The following DST variants were observed in gnomAD, a reference collection of about 807,000 sequenced individuals.
DST encodes dystonin.
A neutral mutation model predicts 875.2 loss-of-function variants in DST; 253 were observed. The ratio of observed to expected loss-of-function variants is 0.29; its 90% CI spans 0.26 to 0.32. The LOEUF is 0.32. DST is among the 10% of genes least tolerant of loss of function. DST has a pLI of 1.00. For synonymous variants in DST, 3,124 were observed against 3,197.1 expected, an observed-to-expected ratio of 0.98 and a Z score of 0.77; for missense variants, 8,287 against 9,111.6, an observed-to-expected ratio of 0.91 and a Z score of 3.68.
intron 16 of DST, 65 bp downstream of exon 16, chr6:56,642,345 T>G: frequency 8.5e-7 from 1 of 1,173,344 alleles, no homozygotes; most frequent in Non-Finnish European, 1.3e-6. Context: ...TGTAAAAGTT[T>G]TAGTTCATCC....
At chr6:56,624,097 T>C (rs1237232923) in intron 36 of DST, among the ~76,000 whole-genome samples, 1 of 152,104 alleles carries the variant, frequency 6.6e-6, no homozygotes, top group African/African-American at 2.4e-5. Flanking sequence ...TTTAACTTCT[T>C]GAGATACAAA....
At position 56,905,889 on chromosome 6, in the gene DST, T is replaced by A. The variant is rs1796189924; in HGVS notation, c.217-5268A>T. The stretch of plus-strand genomic sequence containing the variant: ...GTCTTGAACTCCTGACCTCAGGTGA[T>A]CCACCCATCTCGGCCTTCCAAAGTG... On this transcript the variant is annotated intron_variant, in intron 2 of 103. Coordinates refer to ENST00000680361, the MANE Select transcript of DST (RefSeq NM_001374736.1). Among the ~76,000 whole-genome samples, 12 of 152,204 alleles carry A rather than the reference T, an allele frequency of 7.9e-5. 1 individual carries two copies. The South Asian group carries it at 2.5e-3, about 31-fold the overall frequency.
At chr6:56,765,545 G>A (rs766236318) in intron 4 of DST, among the ~76,000 whole-genome samples, 8 of 152,168 alleles carry the variant, frequency 5.3e-5, no homozygotes, top group Non-Finnish European at 8.8e-5. Flanking sequence ...TAAAATAAAC[G>A]TACAGTGCAG....
intron 44 of DST, 132 bp downstream of exon 44, chr6:56,601,311 T>C (rs2098443694): frequency 1.6e-6 from 1 of 613,108 alleles, no homozygotes; most frequent in Admixed American, 3.1e-5. Context: ...CTGTAGGATT[T>C]GTATGTACAC....
Position 56,822,452 on chromosome 6 carries a change from C to T in DST, c.625+28945G>A, listed in dbSNP as rs376719125. Reference sequence around the variant, plus strand: ...AACTAGAATTTGCAGAGCAGAGAACCAAAAGAGACTGCACAAAAGCAAATC... The same window carrying T: ...AACTAGAATTTGCAGAGCAGAGAACTAAAAGAGACTGCACAAAAGCAAATC... On this transcript the variant is annotated intron_variant, in intron 4 of 103. Transcript: ENST00000680361. 1.6e-4 allele frequency among the ~76,000 whole-genome samples: 24 copies of T among 152,160 alleles called. No individual in the cohort carries two copies. The East Asian group carries it at 4.2e-3, about 27-fold the overall frequency.
intron 9 of DST, chr6:56,693,094 G>A: frequency 2.3e-6 from 3 of 1,289,340 alleles, no homozygotes; most frequent in African/African-American, 1.5e-5. Flanking sequence ...AGTTTTGGCA[G>A]GATCTACATA....
intron 77 of DST, among the ~76,000 whole-genome samples, chr6:56,504,992 T>G (rs9475709): frequency 0.68 from 103,598 of 152,088 alleles, 35,541 homozygotes; most frequent in East Asian, 0.78. Flanking sequence ...CCCAAAGCAC[T>G]GGGATATTTT....
intron 4 of DST, among the ~76,000 whole-genome samples, chr6:56,795,125 G>A (rs1018615302): frequency 7.2e-5 from 11 of 152,124 alleles, no homozygotes; most frequent in Non-Finnish European, 1.5e-4. Flanking sequence ...GAGATAAAAA[G>A]TTAACAAAAA....
chr6:56,937,079 A>G (rs1451707), intron 2 of DST, among the ~76,000 whole-genome samples: 20,346 of 152,196 alleles, frequency 0.13, 1,775 homozygotes, highest in Middle Eastern at 0.23. Context: ...GCCTTGAAAA[A>G]AAAGCAGCAG....
chr6:56,676,456 G>C (rs1372106426), intron 9 of DST, among the ~76,000 whole-genome samples: 1 of 152,158 alleles, frequency 6.6e-6, no homozygotes, highest in African/African-American at 2.4e-5. Flanking sequence ...ATGGAAAACA[G>C]TATAGAGGTG....
At chr6:56,926,443 G>A (rs745886916) in intron 2 of DST, among the ~76,000 whole-genome samples, 13 of 152,198 alleles carry the variant, frequency 8.5e-5, no homozygotes, top group Non-Finnish European at 1.3e-4. Context: ...TCAGGAGACC[G>A]TAAGGGGAAA....
intron 49 of DST, among the ~76,000 whole-genome samples, chr6:56,587,861 TGA>T (rs1341012466): frequency 6.6e-6 from 1 of 152,022 alleles, no homozygotes; most frequent in Non-Finnish European, 1.5e-5. Context: ...AAGCCAATGC[TGA>T]GAGATTTTGT....
Position 56,606,836 on chromosome 6 carries a change from G to A in DST, c.7792C>T (p.Gln2598Ter). The A allele has an allele frequency of 1.9e-6, 3 of 1,613,196 alleles. No homozygotes were observed. Among genetic ancestry groups the A allele is most frequent in the Non-Finnish European group, 2.5e-6 (3 of 1,179,546 alleles). ...GTGTCTGTTCCTGTGTTATTCTGCT[G>A]ATCATTCAGCAGTGACGTTTCATAG... ...SDYETSLLNDQQNNTGTDTDS... is the reference protein window; with the variant it reads ...SDYETSLLND The change falls in exon 40 of 104, where the codon CAG (glutamine) becomes TAG (stop). Residue 2598 changes from glutamine to a stop codon, truncating the protein, a stop_gained. Coordinates refer to ENST00000680361, the MANE Select transcript of DST (RefSeq NM_001374736.1). LOFTEE classifies it high-confidence loss of function.
intron 4 of DST, among the ~76,000 whole-genome samples, chr6:56,831,775 C>G (rs986494911): frequency 6.6e-6 from 1 of 151,894 alleles, no homozygotes; most frequent in East Asian, 1.9e-4. Context: ...CATCTCTTCC[C>G]AGTTTTTCCA....
chr6:56,947,219 G>C (rs933634178), intron 2 of DST, among the ~76,000 whole-genome samples: 1 of 149,228 alleles, frequency 6.7e-6, no homozygotes, highest in Non-Finnish European at 1.5e-5. Context: ...TGCTGGAAAA[G>C]AAATCAAATG....
Position 56,528,909 on chromosome 6 carries a change from A to G in DST, c.17612T>C (p.Ile5871Thr). The G allele has an allele frequency of 6.3e-7, 1 of 1,584,290 alleles. No individual in the cohort carries two copies. Among genetic ancestry groups the G allele is most frequent in the Non-Finnish European group, 8.6e-7 (1 of 1,162,992 alleles). The change falls in exon 67 of 104, where the codon ATC becomes ACC. Residue 5871 changes from isoleucine to threonine, a missense_variant. By Grantham distance (89) the Ile-to-Thr change is moderately conservative (BLOSUM62 -1). Transcript: ENST00000680361. ...ATCTACATTTTGTTTCCTGAGTAAG[A>G]TGTCCTCTTGCAGAACCTGAAAACA... ...QSELRVLQED[I>T]LLRKQNVDQA...
rs59394529 is a variant in DST, at chr6:56,774,113, C to CAA, written c.626-38826_626-38825dup. Among the ~76,000 whole-genome samples, 575 of 76,148 alleles carry CAA rather than the reference C, an allele frequency of 7.6e-3. 17 individuals are homozygous for CAA. The highest frequency in any genetic ancestry group is 0.024 in the African/African-American group (535 of 22,416). 50.0% of individuals were successfully genotyped at this position (76,148 alleles called of 152,430 possible). ...TGGGCAACAGAGTGAGATTCTGTCT[C>CAA]AAAAAAAAAAAAAAAAAAAGAATTT... On this transcript the variant is annotated intron_variant, in intron 4 of 103. Transcript: ENST00000680361.
chr6:56,771,378 A>G (rs778183536), intron 4 of DST, among the ~76,000 whole-genome samples: 1 of 152,194 alleles, frequency 6.6e-6, no homozygotes, highest in Non-Finnish European at 1.5e-5. Context: ...CAGTTGTCCA[A>G]CTGACATTCT....
chr6:56,824,435 G>C (rs1368178639), intron 4 of DST, among the ~76,000 whole-genome samples: 2 of 152,192 alleles, frequency 1.3e-5, no homozygotes, highest in Admixed American at 6.5e-5. Context: ...CACCCCGTCT[G>C]GGAAGTGAGG....
Sources: gnomAD v4.1 joint callset for allele counts (sites outside exome capture counted in the v4.1 genomes callset) on GRCh38, gnomAD v4.1.1 for gene constraint, MANE v1.5 for transcripts, NCBI Gene and HGNC (gene_info 2026-07-23, HGNC 2026-07-21) for gene names.